SCGB2B2: variants seen among roughly 807,000 people sequenced by gnomAD.
The protein encoded by SCGB2B2 is secretoglobin family 2B member 2, also known as secretoglobin-like protein.
In SCGB2B2, 11 loss-of-function variants were observed where a neutral mutation model predicts 7.6. That is an observed-to-expected ratio of 1.45 (90% CI 0.91 to 2.40). SCGB2B2 has a LOEUF of 2.40. Ranked by LOEUF, SCGB2B2 falls within the 30% of genes most tolerant of loss-of-function variation. The probability of loss-of-function intolerance (pLI) is 0.00; values close to 1 mark genes in which losing one functional copy is unlikely to be tolerated. For synonymous variants in SCGB2B2, 50 were observed against 48.6 expected, an observed-to-expected ratio of 1.03 and a Z score of -0.12; for missense variants, 104 against 115.4, an observed-to-expected ratio of 0.90 and a Z score of 0.45.
rs1253980429 is a variant in SCGB2B2 at position 34,629,317 on chromosome 19, A to T, written c.-2031-32723T>A. On this transcript the variant is annotated intron_variant, in intron 1 of 3. Coordinates refer to ENST00000601241, the MANE Select transcript of SCGB2B2 (RefSeq NM_001025591.4). The stretch of plus-strand genomic sequence containing the variant: ...ATAAAGGGTATTCAATTAGGAAAAG[A>T]GGAAGTCAAATTGCCCCTGTTTGCA... 1.3e-5 allele frequency among the ~76,000 whole-genome samples: 2 copies of T among 151,966 alleles called. 1 individual carries two copies. Among genetic ancestry groups the T allele is most frequent in the Non-Finnish European group, 2.9e-5 (2 of 67,936 alleles).
intron 1 of SCGB2B2, among the ~76,000 whole-genome samples, chr19:34,647,529 G>T (rs2067052481): frequency 6.6e-6 from 1 of 152,040 alleles, no homozygotes; most frequent in Non-Finnish European, 1.5e-5. Flanking sequence ...TTCCTCCCGG[G>T]TCAGACATTT....
chr19:34,663,849 G>C (rs569201275), intron 1 of SCGB2B2, among the ~76,000 whole-genome samples: 2 of 152,180 alleles, frequency 1.3e-5, no homozygotes, highest in African/African-American at 4.8e-5. Context: ...AGAAAGAACA[G>C]GGCAGGGAGG....
intron 1 of SCGB2B2, among the ~76,000 whole-genome samples, chr19:34,612,972 A>G (rs968307867): frequency 6.6e-6 from 1 of 152,216 alleles, no homozygotes; most frequent in East Asian, 1.9e-4. Context: ...TTTTATCATT[A>G]TGAATGACCT....
At position 34,593,256 on chromosome 19, in the gene SCGB2B2, G is replaced by T. The variant is rs1568426536; in HGVS notation, c.*299C>A. The T allele has an allele frequency of 1.3e-5, 4 of 312,828 alleles. No individual in the cohort carries two copies. Among genetic ancestry groups the T allele is most frequent in the South Asian group, 7.5e-5 (1 of 13,356 alleles). 19.4% of individuals were successfully genotyped at this position (312,828 alleles called of 1,614,324 possible). A position where few individuals can be genotyped will look rare whatever the true frequency, so the allele number is the denominator to read the frequency against. ...AATCGCTTGAACCCAGAAGGTGGAG[G>T]CTGCAGTGAGCCAAGATCGCGCCAA... On this transcript the variant is annotated 3_prime_UTR_variant, in exon 4 of 4. Transcript: ENST00000601241.
chr19:34,618,139 G>A (rs1304694460), intron 1 of SCGB2B2, among the ~76,000 whole-genome samples: 1 of 152,146 alleles, frequency 6.6e-6, no homozygotes, highest in Non-Finnish European at 1.5e-5. Flanking sequence ...GTTCCTACTC[G>A]GCCATCTTGG....
chr19:34,648,761 C>A (rs548924125), intron 1 of SCGB2B2, among the ~76,000 whole-genome samples: 2 of 151,370 alleles, frequency 1.3e-5, no homozygotes, highest in South Asian at 2.1e-4. Context: ...AAACTTCATA[C>A]TTTTTTGGTT....
Position 34,663,145 on chromosome 19 carries a change from C to T in SCGB2B2, c.-2032+12485G>A, listed in dbSNP as rs539057952. ...CGACACTGACAATGCCACCTTGTGG[C>T]GATCTAGAGCAGTAGGAAATACTAC... On this transcript the variant is annotated intron_variant, in intron 1 of 3. Coordinates refer to ENST00000601241, the MANE Select transcript of SCGB2B2 (RefSeq NM_001025591.4). 8.5e-5 allele frequency among the ~76,000 whole-genome samples: 13 copies of T among 152,316 alleles called. No individual in the cohort carries two copies. In the South Asian group the frequency reaches 1.2e-3, roughly 15 times the overall value.
intron 1 of SCGB2B2, among the ~76,000 whole-genome samples, chr19:34,667,587 A>T (rs890772054): frequency 6.6e-6 from 1 of 152,202 alleles, no homozygotes; most frequent in Non-Finnish European, 1.5e-5. Flanking sequence ...ACCCCAGGAA[A>T]TTCTAAATGG....
At chr19:34,630,922 T>C (rs1170234693) in intron 1 of SCGB2B2, among the ~76,000 whole-genome samples, 1 of 151,896 alleles carries the variant, frequency 6.6e-6, no homozygotes, top group African/African-American at 2.4e-5. Flanking sequence ...CACCATGGAA[T>C]ACTATGCAGC....
chr19:34,628,105 G>T (rs139354319), intron 1 of SCGB2B2, among the ~76,000 whole-genome samples: 47,923 of 151,898 alleles, frequency 0.32, 8,398 homozygotes, highest in Middle Eastern at 0.47. Flanking sequence ...CAGAATCTCT[G>T]GGACACATTC....
At chr19:34,637,985 T>C (rs8100619) in intron 1 of SCGB2B2, 55,531 of 152,066 alleles carry the variant, frequency 0.37, 10,484 homozygotes, top group African/African-American at 0.45. Flanking sequence ...AAAATGTGTT[T>C]CCTTGCTGGG....
chr19:34,614,668 C>T (rs1156523448), intron 1 of SCGB2B2, among the ~76,000 whole-genome samples: 1 of 152,120 alleles, frequency 6.6e-6, no homozygotes, highest in Non-Finnish European at 1.5e-5. Flanking sequence ...TGTCATATTT[C>T]CTTGCTTTTA....
chr19:34,594,764 C>T lies in SCGB2B2; in HGVS notation c.-201G>A, dbSNP rs1433216929. ...GCCCTGGGCCATGCTGTTGGGGTGGCAGCGTATCGGGAACTGGACTCAGCA... is the reference window on the plus strand; with the variant it reads ...GCCCTGGGCCATGCTGTTGGGGTGGTAGCGTATCGGGAACTGGACTCAGCA... On this transcript the variant is annotated 5_prime_UTR_variant, in exon 2 of 4. Transcript: ENST00000601241. 1.6e-6 allele frequency: 1 copy of T among 608,854 alleles called. No individual in the cohort carries two copies. The highest frequency in any genetic ancestry group is 3.0e-6 in the Non-Finnish European group (1 of 331,888). 37.7% of individuals were successfully genotyped at this position (608,854 alleles called of 1,614,324 possible). A position where few individuals can be genotyped will look rare whatever the true frequency, so the allele number is the denominator to read the frequency against.
At position 34,594,782 on chromosome 19, in the gene SCGB2B2, A is replaced by G. The variant is rs950865747; in HGVS notation, c.-219T>C. 3.4e-6 allele frequency: 2 copies of G among 583,132 alleles called. No homozygotes were observed. The highest frequency in any genetic ancestry group is 3.7e-5 in the African/African-American group (2 of 53,642). The allele number at this position is 583,132 out of a possible 1,614,324, so 36.1% of individuals were successfully genotyped here. A position where few individuals can be genotyped will look rare whatever the true frequency, so the allele number is the denominator to read the frequency against. ...GGGGTGGCAGCGTATCGGGAACTGG[A>G]CTCAGCATGCAGTGGGAGGGGTTGG... is the stretch of plus-strand genomic sequence containing the variant. On this transcript the variant is annotated 5_prime_UTR_variant, in exon 2 of 4. Transcript: ENST00000601241.
chr19:34,610,323 T>C (rs2065892772), intron 1 of SCGB2B2, among the ~76,000 whole-genome samples: 1 of 152,174 alleles, frequency 6.6e-6, no homozygotes, highest in South Asian at 2.1e-4. Flanking sequence ...CTAATTGCTC[T>C]GGCTAGGACT....
chr19:34,606,908 A>C (rs953759333), intron 1 of SCGB2B2, among the ~76,000 whole-genome samples: 3 of 152,108 alleles, frequency 2.0e-5, no homozygotes, highest in Admixed American at 6.5e-5. Flanking sequence ...TATCCCCTGC[A>C]GATAAAGGCG....
chr19:34,624,727 T>G (rs574104903), intron 1 of SCGB2B2, among the ~76,000 whole-genome samples: 5 of 152,300 alleles, frequency 3.3e-5, no homozygotes, highest in African/African-American at 1.2e-4. Context: ...CAGGACCTTC[T>G]TCCAGCCCCA....
chr19:34,652,137 T>C (rs1600065663), intron 1 of SCGB2B2, among the ~76,000 whole-genome samples: 1 of 151,218 alleles, frequency 6.6e-6, no homozygotes, highest in East Asian at 1.9e-4. Flanking sequence ...CAACTCGAAA[T>C]AGTTTACAGA....
At chr19:34,610,428 T>C (rs1005465754) in intron 1 of SCGB2B2, among the ~76,000 whole-genome samples, 2 of 152,198 alleles carry the variant, frequency 1.3e-5, no homozygotes, top group Non-Finnish European at 2.9e-5. Context: ...TTATTCAGTA[T>C]GATTTTGGCG....
Sources: gnomAD v4.1 joint callset for allele counts (sites outside exome capture counted in the v4.1 genomes callset) on GRCh38, gnomAD v4.1.1 for gene constraint, MANE v1.5 for transcripts, NCBI Gene and HGNC (gene_info 2026-07-23, HGNC 2026-07-21) for gene names.